The following SIRT2 variants were observed in gnomAD, a reference collection of about 807,000 sequenced individuals.
SIRT2 encodes sirtuin 2.
SIRT2 carries 40 observed loss-of-function variants against 57.4 expected under a neutral mutation model. The observed-to-expected ratio is 0.70, with a 90% CI of 0.54 to 0.91. SIRT2 has a LOEUF of 0.91. Ranked by LOEUF, SIRT2 falls within the 40% of genes least tolerant of loss-of-function variation. The pLI, the probability that SIRT2 is intolerant of heterozygous loss-of-function variation, is 0.00. For synonymous variants in SIRT2, 161 were observed against 195.7 expected, an observed-to-expected ratio of 0.82 and a Z score of 1.48; for missense variants, 439 against 510.4, an observed-to-expected ratio of 0.86 and a Z score of 1.35.
chr19:38,879,675 C>A lies in SIRT2; in HGVS notation c.904G>T (p.Gly302Cys). The change falls in exon 14 of 16, where the codon GGC becomes TGC. Residue 302 changes from glycine (G) to cysteine (C), a missense_variant. Gly to Cys is a radical substitution (Grantham distance 159, BLOSUM62 -3). Coordinates refer to ENST00000249396, the MANE Select transcript of SIRT2 (RefSeq NM_012237.4). ...QSDPFLGMIM[G>C]LGGGMDFDSK... Reference sequence around the variant, plus strand: ...TCAAAGTCCATGCCTCCTCCGAGGCCCATAATCATCCCCAGGAAAGGGTCC... The same window carrying A: ...TCAAAGTCCATGCCTCCTCCGAGGCACATAATCATCCCCAGGAAAGGGTCC... 6.4e-7 allele frequency: 1 copy of A among 1,572,982 alleles called. No homozygotes were observed.
chr19:38,888,999 C>A, intron 8 of SIRT2, 88 bp downstream of exon 8: 1 of 1,269,278 alleles, frequency 7.9e-7, no homozygotes, highest in South Asian at 1.2e-5. Flanking sequence ...CGCCTGAGCT[C>A]TTGGGCACGC....
chr19:38,898,143 A>C (rs1206975735), intron 2 of SIRT2, among the ~76,000 whole-genome samples: 1 of 152,242 alleles, frequency 6.6e-6, no homozygotes, highest in Non-Finnish European at 1.5e-5. Flanking sequence ...GATGGCAGGC[A>C]GTGGCAAGGA....
At chr19:38,890,215 G>A (rs1973489830) in intron 4 of SIRT2, 71 bp from the exon 5 acceptor site, 3 of 1,512,216 alleles carry the variant, frequency 2.0e-6, no homozygotes, top group East Asian at 4.5e-5. Flanking sequence ...ACCCATCACA[G>A]CCCCTGACAT....
intron 2 of SIRT2, among the ~76,000 whole-genome samples, chr19:38,896,396 A>T (rs11880264): frequency 0.23 from 34,524 of 151,928 alleles, 8,074 homozygotes; most frequent in African/African-American, 0.6. Flanking sequence ...ATAATTTTTT[A>T]AAAAAGAGAC....
Position 38,880,629 on chromosome 19 carries a change from A to C in SIRT2, c.876+56T>G. On this transcript the variant is annotated intron_variant, in intron 13 of 15. Transcript: ENST00000249396. The surrounding 1 kb of genome is among the most constrained non-coding windows in gnomAD (Gnocchi z 4.1). ...ACAGTGGGGGTTCCCTCTGAGGAAA[A>C]GGGTGAGAGGGAAGGGGGAGCCTGT... 1 of 1,253,102 alleles carries C rather than the reference A, an allele frequency of 8.0e-7. No homozygotes were observed. Among genetic ancestry groups the C allele is most frequent in the Non-Finnish European group, 1.1e-6 (1 of 893,966 alleles). 77.6% of individuals were successfully genotyped at this position (1,253,102 alleles called of 1,614,324 possible).
chr19:38,899,470 C>A (rs1342850393), intron 1 of SIRT2, 36 bp downstream of exon 1: 4 of 1,610,998 alleles, frequency 2.5e-6, no homozygotes, highest in Non-Finnish European at 2.5e-6. Context: ...CAGGCCCCGG[C>A]GCGGCCCGAC....
rs12462777 is a variant in SIRT2, at chr19:38,892,896, C to T, written c.226+518G>A. ...CCTGGTCCTATATTAATTTATTTAG[C>T]CCCGCCAATAACCTTATGAGTTAGA... On this transcript the variant is annotated intron_variant, in intron 4 of 15. Coordinates refer to ENST00000249396, the MANE Select transcript of SIRT2 (RefSeq NM_012237.4). Among the ~76,000 whole-genome samples the T allele has an allele frequency of 2.9e-3, 448 of 152,294 alleles. 8 individuals carry two copies. Among genetic ancestry groups the T allele is most frequent in the Admixed American group, 0.027 (409 of 15,288 alleles).
chr19:38,880,815 A>G lies in SIRT2; in HGVS notation c.824+6T>C, dbSNP rs1347960553. The G allele has an allele frequency of 1.9e-6, 3 of 1,613,746 alleles. No individual in the cohort carries two copies. Among genetic ancestry groups the G allele is most frequent in the Non-Finnish European group, 2.5e-6 (3 of 1,179,862 alleles). On this transcript the variant is annotated splice_donor_region_variant and intron_variant, in intron 12 of 15. Transcript: ENST00000249396. This position sits in a 1 kb window ranked among gnomAD's most constrained non-coding sequence, Gnocchi z 4.1. ...GCCGTCCTCCCAGCCACAGCCCCCA[A>G]CCTACTTGCTGATGAGGGAGGCAAA...
intron 13 of SIRT2, 81 bp from the exon 14 acceptor site, chr19:38,879,783 G>T: frequency 2.0e-6 from 2 of 1,007,392 alleles, no homozygotes; most frequent in Non-Finnish European, 3.0e-6. Context: ...GGTGGCCTGG[G>T]TTTGTATCCT....
chr19:38,880,716 C>G lies in SIRT2; in HGVS notation c.845G>C (p.Arg282Pro), dbSNP rs752774292. Residue 282 changes from arginine to proline, a missense_variant, in exon 13 of 16, where the codon CGC becomes CCC. Physicochemically the swap from Arg to Pro is moderately radical, Grantham distance 103. Coordinates refer to ENST00000249396, the MANE Select transcript of SIRT2 (RefSeq NM_012237.4). This position sits in a 1 kb window ranked among gnomAD's most constrained non-coding sequence, Gnocchi z 4.1. ...LISKAPLSTP[R>P]LLINKEKAGQ... ...AGCTTTCTCCTTGTTGATGAGCAGG[C>G]GAGGGGTGGAGAGGGGTGCCCTGTG... is the stretch of plus-strand genomic sequence containing the variant. 3.1e-6 allele frequency: 5 copies of G among 1,595,416 alleles called. No homozygotes were observed. Among genetic ancestry groups the G allele is most frequent in the Non-Finnish European group, 4.3e-6 (5 of 1,168,064 alleles).
At position 38,889,490 on chromosome 19, in the gene SIRT2, C is replaced by T. The variant is rs909343094; in HGVS notation, c.432+199G>A. The T allele has an allele frequency of 3.9e-5, 26 of 667,752 alleles. No individual in the cohort carries two copies. The Admixed American group carries it at 5.0e-4, about 13-fold the overall frequency. 41.4% of individuals were successfully genotyped at this position (667,752 alleles called of 1,614,324 possible). A position where few individuals can be genotyped will look rare whatever the true frequency, so the allele number is the denominator to read the frequency against. On this transcript the variant is annotated intron_variant, in intron 7 of 15. Transcript: ENST00000249396. ...TCTTCAGACAGTACCATTAGCTTCA[C>T]TTCACAGGAGGCAAATCGGAGGCTC...
Position 38,879,482 on chromosome 19 carries a change from A to T in SIRT2, c.966T>A (p.Gly322=). 6.2e-7 allele frequency: 1 copy of T among 1,604,282 alleles called. No individual in the cohort carries two copies. The highest frequency in any genetic ancestry group is 1.1e-5 in the South Asian group (1 of 89,418). The change falls in exon 15 of 16, where the codon GGT becomes GGA. Residue 322 remains glycine (G), a synonymous_variant. Transcript: ENST00000249396. ...KKAYRDVAWL[G]ECDQGCLALA... ...GGGCCAGGCAGCCCTGGTCGCATTC[A>T]CCCAGCCAGGCCACGTCCCTGCGGT... is the stretch of plus-strand genomic sequence containing the variant.
chr19:38,887,229 G>C (rs1025238263), intron 8 of SIRT2, among the ~76,000 whole-genome samples: 2 of 152,148 alleles, frequency 1.3e-5, no homozygotes, highest in Non-Finnish European at 2.9e-5. Flanking sequence ...TATATGCTCA[G>C]TATATGGTGT....
chr19:38,885,318 T>A (rs1198600781), intron 8 of SIRT2, among the ~76,000 whole-genome samples: 5 of 151,572 alleles, frequency 3.3e-5, no homozygotes, highest in South Asian at 2.1e-4. Flanking sequence ...TTGCCCGGGC[T>A]GGTCTTGAAC....
At position 38,880,076 on chromosome 19, in the gene SIRT2, C is replaced by G; in HGVS notation, c.877-374G>C. On this transcript the variant is annotated intron_variant, in intron 13 of 15. Coordinates refer to ENST00000249396, the MANE Select transcript of SIRT2 (RefSeq NM_012237.4). The surrounding 1 kb of genome is among the most constrained non-coding windows in gnomAD (Gnocchi z 4.1). ...CTGACCTCAGGTGATCCACCCGCCTCGGCCTCCCAAAGTGCTGGAATTACA... is the reference window on the plus strand; with the variant it reads ...CTGACCTCAGGTGATCCACCCGCCTGGGCCTCCCAAAGTGCTGGAATTACA... 4.8e-6 allele frequency: 1 copy of G among 207,976 alleles called. No homozygotes were observed. The highest frequency in any genetic ancestry group is 9.8e-6 in the Non-Finnish European group (1 of 101,692). The allele number at this position is 207,976 out of a possible 1,614,324, so 12.9% of individuals were successfully genotyped here.
chr19:38,893,837 C>G lies in SIRT2; in HGVS notation c.94G>C (p.Ala32Pro), dbSNP rs926292218. Reference sequence around the variant, plus strand: ...TACTCACTGTCTGCTTCTCCACCAGCGGCTCCTCCCTCAGAGTCTGAATCT... The same window carrying G: ...TACTCACTGTCTGCTTCTCCACCAGGGGCTCCTCCCTCAGAGTCTGAATCT... ...DSDSDSEGGA[A>P]GGEADMDFLR... is the part of the protein sequence containing the mutation. The change falls in exon 3 of 16, where the codon GCT becomes CCT. Residue 32 changes from alanine (A) to proline (P), a missense_variant. Physicochemically the swap from Ala to Pro is conservative, Grantham distance 27 (BLOSUM62 -1). Transcript: ENST00000249396. 6.2e-7 allele frequency: 1 copy of G among 1,614,132 alleles called. No homozygotes were observed. Among genetic ancestry groups the G allele is most frequent in the Admixed American group, 1.7e-5 (1 of 60,006 alleles).
intron 4 of SIRT2, among the ~76,000 whole-genome samples, chr19:38,892,763 C>G (rs28480241): frequency 0.057 from 8,361 of 146,742 alleles, 779 homozygotes; most frequent in African/African-American, 0.21. Flanking sequence ...GTAGAGATGG[C>G]GGGGGGGTCT....
intron 2 of SIRT2, 160 bp from the exon 3 acceptor site, chr19:38,894,027 G>C (rs1740261120): frequency 1.4e-6 from 2 of 1,446,182 alleles, no homozygotes; most frequent in Non-Finnish European, 1.8e-6. Flanking sequence ...CAGGGCTCTG[G>C]GACAGGCTGC....
chr19:38,879,365 G>A, intron 15 of SIRT2, 55 bp from the exon 16 acceptor site: 1 of 1,605,072 alleles, frequency 6.2e-7, no homozygotes, highest in Non-Finnish European at 8.5e-7. Context: ...TGGGGTCAGA[G>A]GACCCATGGG....
Sources: gnomAD v4.1 joint callset for allele counts (sites outside exome capture counted in the v4.1 genomes callset) on GRCh38, gnomAD v4.1.1 for gene constraint, Gnocchi (gnomAD v3.1) non-coding constraint, MANE v1.5 for transcripts, NCBI Gene and HGNC (gene_info 2026-07-23, HGNC 2026-07-21) for gene names.